MEGF9: variants seen among roughly 807,000 people sequenced by gnomAD.
MEGF9 encodes multiple epidermal growth factor-like domains protein 9.
Under a neutral mutation model 46.8 loss-of-function variants are expected in MEGF9, and 6 were observed. The observed-to-expected ratio is 0.13, with a 90% confidence interval of 0.07 to 0.25. The LOEUF is 0.25. Among genes scored for constraint, MEGF9 ranks in the 10% least tolerant of loss-of-function variants. MEGF9 has a pLI of 1.00. For synonymous variants in MEGF9, 302 were observed against 330.7 expected (o/e 0.91, Z 0.94); for missense variants, 683 against 792.4 (o/e 0.86, Z 1.66).
chr9:120,601,459 T>A lies in MEGF9; in HGVS notation c.*3731A>T, dbSNP rs2043395630. The A allele has an allele frequency of 1.3e-5, 2 of 152,208 alleles. No homozygotes were observed. The highest frequency in any genetic ancestry group is 2.9e-5 in the Non-Finnish European group (2 of 68,044). The allele number at this position is 152,208 out of a possible 1,614,324, so 9.4% of individuals were successfully genotyped here. A position where few individuals can be genotyped will look rare whatever the true frequency, so the allele number is the denominator to read the frequency against. ...AAAACAGCACTTAAAGGGTTAAATA[T>A]CCTGATGGTACTCAGCTGACCAAAA... On this transcript the variant is annotated 3_prime_UTR_variant, in exon 6 of 6. Coordinates refer to ENST00000373930, the MANE Select transcript of MEGF9 (RefSeq NM_001080497.3).
At chr9:120,652,679 A>G (rs2043658987) in intron 2 of MEGF9, among the ~76,000 whole-genome samples, 1 of 151,830 alleles carries the variant, frequency 6.6e-6, no homozygotes, top group Admixed American at 6.6e-5. Flanking sequence ...TGGATATATA[A>G]TAGTCATATA....
intron 1 of MEGF9, among the ~76,000 whole-genome samples, chr9:120,673,974 A>C (rs984274957): frequency 6.6e-6 from 1 of 151,514 alleles, no homozygotes; most frequent in Non-Finnish European, 1.5e-5. Flanking sequence ...CGTCTCAAAA[A>C]AAAAAAAAAA....
intron 1 of MEGF9, among the ~76,000 whole-genome samples, chr9:120,671,639 A>C (rs1232636494): frequency 3.9e-5 from 6 of 152,240 alleles, no homozygotes; most frequent in Non-Finnish European, 8.8e-5. Context: ...CAAAAGAGAA[A>C]TCTCCAGGCC....
At chr9:120,691,170 C>CA (rs1475944475) in intron 1 of MEGF9, among the ~76,000 whole-genome samples, 1 of 151,752 alleles carries the variant, frequency 6.6e-6, no homozygotes. Context: ...GAAATAACAA[C>CA]AAAAAAAGCC....
chr9:120,686,607 A>G (rs1201576155), intron 1 of MEGF9, among the ~76,000 whole-genome samples: 5 of 152,210 alleles, frequency 3.3e-5, no homozygotes, highest in Non-Finnish European at 7.3e-5. Context: ...AAGCTAGTGA[A>G]TCTTAAAGTG....
At position 120,659,454 on chromosome 9, in the gene MEGF9, G is replaced by A. The variant is rs16909987; in HGVS notation, c.723C>T (p.Gly241=). 4,442 of 1,613,744 alleles carry A rather than the reference G, an allele frequency of 2.8e-3. 121 individuals are homozygous for A. In the African/African-American group the frequency reaches 0.053, roughly 19 times the overall value. ...QGLHCETCKE[G]FYLNYTSGLC... ...GCCCAGAAGTGTAATTTAGGTAAAA[G>A]CCCTCTTTGCAGGTTTCACAGTGAA... is the stretch of plus-strand genomic sequence containing the variant. Residue 241 remains glycine, a synonymous_variant, in exon 2 of 6, where the codon GGC becomes GGT. Transcript: ENST00000373930.
chr9:120,680,577 G>A (rs1368900622), intron 1 of MEGF9, among the ~76,000 whole-genome samples: 2 of 151,842 alleles, frequency 1.3e-5, no homozygotes, highest in African/African-American at 4.8e-5. Context: ...GGTCAGACCT[G>A]AAGCCACCAC....
At chr9:120,651,389 A>G (rs148727846) in intron 2 of MEGF9, among the ~76,000 whole-genome samples, 1,623 of 152,328 alleles carry the variant, frequency 0.011, 31 homozygotes, top group African/African-American at 0.034. Context: ...ATAGGAGTAT[A>G]TACTCTAGAT....
chr9:120,616,445 C>T (rs561322968), intron 3 of MEGF9, among the ~76,000 whole-genome samples: 8 of 151,910 alleles, frequency 5.3e-5, no homozygotes, highest in African/African-American at 1.7e-4. Context: ...TCTGGGAGGC[C>T]GAGGCGGTCG....
intron 1 of MEGF9, among the ~76,000 whole-genome samples, chr9:120,660,682 A>G (rs573579225): frequency 6.6e-6 from 1 of 152,282 alleles, no homozygotes; most frequent in African/African-American, 2.4e-5. Flanking sequence ...GTTAGGATTC[A>G]TTTTTTGCTA....
chr9:120,712,637 A>G (rs557042850), intron 1 of MEGF9, among the ~76,000 whole-genome samples: 1 of 152,332 alleles, frequency 6.6e-6, no homozygotes, highest in South Asian at 2.1e-4. Flanking sequence ...TCAAGACTGT[A>G]TTAAGGTTCA....
intron 1 of MEGF9, among the ~76,000 whole-genome samples, chr9:120,702,206 T>G (rs1458517283): frequency 6.6e-6 from 1 of 152,226 alleles, no homozygotes; most frequent in African/African-American, 2.4e-5. Flanking sequence ...TGTTCAAGAT[T>G]TGTCAGTCTG....
intron 1 of MEGF9, among the ~76,000 whole-genome samples, chr9:120,687,990 A>G (rs1010122008): frequency 1.4e-4 from 21 of 152,134 alleles, no homozygotes; most frequent in African/African-American, 4.8e-4. Context: ...GTTTCTCCCC[A>G]TTGGTTAGCA....
intron 2 of MEGF9, among the ~76,000 whole-genome samples, chr9:120,638,546 T>G (rs1268438993): frequency 2.0e-5 from 3 of 152,212 alleles, no homozygotes; most frequent in Non-Finnish European, 4.4e-5. Flanking sequence ...AGGCAATATT[T>G]GGGCATGATC....
intron 2 of MEGF9, among the ~76,000 whole-genome samples, chr9:120,656,515 C>G (rs1228893035): frequency 7.0e-6 from 1 of 142,934 alleles, no homozygotes; most frequent in Non-Finnish European, 1.5e-5. Context: ...CCACTGCACT[C>G]CAGCCTGAGA....
intron 1 of MEGF9, among the ~76,000 whole-genome samples, chr9:120,691,738 G>A (rs1357417729): frequency 6.6e-6 from 1 of 152,142 alleles, no homozygotes; most frequent in Non-Finnish European, 1.5e-5. Context: ...TGATGGAGCT[G>A]GGATTGGAAT....
intron 2 of MEGF9, among the ~76,000 whole-genome samples, chr9:120,654,617 T>C (rs922330731): frequency 3.3e-5 from 5 of 152,240 alleles, no homozygotes; most frequent in African/African-American, 1.2e-4. Context: ...TACTGGTTCA[T>C]GTATTTACTA....
chr9:120,680,381 T>C (rs1187470118), intron 1 of MEGF9, among the ~76,000 whole-genome samples: 2 of 152,200 alleles, frequency 1.3e-5, no homozygotes, highest in South Asian at 2.1e-4. Context: ...TGCAGACTTA[T>C]ACAGGTACCG....
intron 4 of MEGF9, 66 bp from the exon 5 acceptor site, chr9:120,608,076 T>G (rs1175198473): frequency 3.9e-5 from 60 of 1,533,840 alleles, no homozygotes; most frequent in Admixed American, 5.3e-5. Context: ...GCAAAACAAC[T>G]ACTAGTCCTT....
Sources: gnomAD v4.1 joint callset for allele counts (sites outside exome capture counted in the v4.1 genomes callset) on GRCh38, gnomAD v4.1.1 for gene constraint, MANE v1.5 for transcripts, NCBI Gene and HGNC (gene_info 2026-07-23, HGNC 2026-07-21) for gene names.